NDC80: variants seen among roughly 807,000 people sequenced by gnomAD.
The protein encoded by NDC80 is NDC80 kinetochore complex component.
In NDC80, 69 loss-of-function variants were observed where a neutral mutation model predicts 89.3. The ratio of observed to expected loss-of-function variants is 0.77; its 90% CI spans 0.64 to 0.94. The LOEUF (loss-of-function observed/expected upper bound fraction) is 0.94. NDC80 is among the 40% of genes least tolerant of loss of function. NDC80 has a pLI of 0.00. For missense variants in NDC80, 593 were observed against 739.6 expected (o/e 0.80, Z 2.30); for synonymous variants, 243 against 255.6 (o/e 0.95, Z 0.47).
At chr18:2,582,431 T>C (rs1453803666) in intron 6 of NDC80, 2 of 152,198 alleles carry the variant, frequency 1.3e-5, no homozygotes, top group Admixed American at 6.5e-5. Context: ...ATGTGTTTTG[T>C]TACTATGATG....
At chr18:2,602,661 T>C (rs772523950) in intron 13 of NDC80, among the ~76,000 whole-genome samples, 6 of 152,146 alleles carry the variant, frequency 3.9e-5, no homozygotes, top group Non-Finnish European at 7.4e-5. Flanking sequence ...TTAAAGGCTA[T>C]AGATGGGGGA....
At chr18:2,599,816 T>C (rs141867566) in intron 12 of NDC80, among the ~76,000 whole-genome samples, 292 of 152,340 alleles carry the variant, frequency 1.9e-3, no homozygotes, top group Non-Finnish European at 3.0e-3. Flanking sequence ...CAGTTTTGAA[T>C]AGGAGAATGT....
Position 2,616,471 on chromosome 18 carries a change from G to A in NDC80, c.1826G>A (p.Arg609Lys), listed in dbSNP as rs774867521. ...GAGGAGCAGATTGCTAAAGTTGATA[G>A]AGAATATGAAGAATGCATGTCAGAA... ...HLEEQIAKVDREYEECMSEDL... is the reference protein window; with the variant it reads ...HLEEQIAKVDKEYEECMSEDL... The change falls in exon 17 of 17, where the codon AGA becomes AAA. Residue 609 changes from arginine to lysine, a missense_variant. Transcript: ENST00000261597. The A allele has an allele frequency of 2.6e-6, 4 of 1,534,756 alleles. No homozygotes were observed. The African/African-American group carries it at 4.2e-5, about 16-fold the overall frequency.
intron 6 of NDC80, among the ~76,000 whole-genome samples, chr18:2,583,460 G>A (rs1024046879): frequency 6.6e-6 from 1 of 152,146 alleles, no homozygotes; most frequent in Non-Finnish European, 1.5e-5. Flanking sequence ...CAACACTTTG[G>A]GAGGCCAAGG....
chr18:2,585,947 T>C (rs1466737533), intron 7 of NDC80, among the ~76,000 whole-genome samples: 1 of 151,732 alleles, frequency 6.6e-6, no homozygotes, highest in Non-Finnish European at 1.5e-5. Context: ...GGATAGGTTG[T>C]TTATTTTGTT....
intron 5 of NDC80, 39 bp from the exon 6 acceptor site, chr18:2,578,888 T>C: frequency 8.3e-7 from 1 of 1,207,256 alleles, no homozygotes. Context: ...TAAATTATAA[T>C]AACATTAAAT....
rs1218831029 is a variant in NDC80 at position 2,590,124 on chromosome 18, A to G, written c.977A>G (p.Gln326Arg). Residue 326 changes from glutamine to arginine, a missense_variant, in exon 10 of 17, where the codon CAG becomes CGG. Physicochemically the swap from Gln to Arg is conservative, Grantham distance 43. Transcript: ENST00000261597. ...GAGTCTCATTCAGCCATTCTTGACC[A>G]GAAATTAAATGGTCTCAATGAGGAA... Reference protein sequence around the residue: ...NLESHSAILDQKLNGLNEEIA... With the variant: ...NLESHSAILDRKLNGLNEEIA... 1 of 1,611,790 alleles carries G rather than the reference A, an allele frequency of 6.2e-7. No homozygotes were observed. The highest frequency in any genetic ancestry group is 1.7e-5 in the Admixed American group (1 of 59,592).
rs1176101667 is a variant in NDC80 at position 2,578,839 on chromosome 18, T to C, written c.477-88T>C. ...GTCAAGACTGAGTGTGTATGTGGAA[T>C]TTTTTAAATGTAACTTCTTGATTAA... On this transcript the variant is annotated intron_variant, in intron 5 of 16. Transcript: ENST00000261597. 6 of 760,508 alleles carry C rather than the reference T, an allele frequency of 7.9e-6. No individual in the cohort carries two copies. In the South Asian group the frequency reaches 2.0e-4, roughly 25 times the overall value. The allele number at this position is 760,508 out of a possible 1,614,324, so 47.1% of individuals were successfully genotyped here. A position where few individuals can be genotyped will look rare whatever the true frequency, so the allele number is the denominator to read the frequency against.
chr18:2,593,057 T>TGTG (rs1491312738), intron 10 of NDC80, among the ~76,000 whole-genome samples: 1 of 69,324 alleles, frequency 1.4e-5, no homozygotes, highest in Admixed American at 1.3e-4. Flanking sequence ...TGTGTGTGTC[T>TGTG]TTTTTTTTTT....
chr18:2,585,351 CTT>C (rs1471591148), intron 7 of NDC80, 149 bp downstream of exon 7: 4 of 612,846 alleles, frequency 6.5e-6, no homozygotes, highest in African/African-American at 5.5e-5. Flanking sequence ...ATTTAATACA[CTT>C]AACCTGCCAA....
chr18:2,605,300 GT>G (rs2072705478), intron 13 of NDC80, among the ~76,000 whole-genome samples: 3 of 149,806 alleles, frequency 2.0e-5, no homozygotes, highest in African/African-American at 4.9e-5. Flanking sequence ...GTGTGTGTGT[GT>G]GTGTGTGTGT....
At chr18:2,576,710 G>A (rs1199771489) in intron 3 of NDC80, among the ~76,000 whole-genome samples, 1 of 152,048 alleles carries the variant, frequency 6.6e-6, no homozygotes. Context: ...TATTTTGATT[G>A]GCATAAGTGA....
At chr18:2,610,925 C>T in intron 16 of NDC80, 64 bp downstream of exon 16, 3 of 980,418 alleles carry the variant, frequency 3.1e-6, no homozygotes, top group Non-Finnish European at 4.3e-6. Context: ...TACATTTCTG[C>T]TTTCTTCCAT....
intron 16 of NDC80, among the ~76,000 whole-genome samples, chr18:2,614,657 TA>T (rs200737949): frequency 0.81 from 53,878 of 66,488 alleles, 22,502 homozygotes; most frequent in East Asian, 0.95. Context: ...AAGAAAGAAA[TA>T]AATTTGGCAA....
At chr18:2,596,565 G>A (rs371339349) in intron 11 of NDC80, among the ~76,000 whole-genome samples, 1 of 147,160 alleles carries the variant, frequency 6.8e-6, no homozygotes, top group African/African-American at 2.5e-5. Context: ...GGAACACTTT[G>A]ACACTGTTGG....
chr18:2,575,739 A>G (rs2072543231), intron 3 of NDC80, among the ~76,000 whole-genome samples: 1 of 152,188 alleles, frequency 6.6e-6, no homozygotes, highest in Non-Finnish European at 1.5e-5. Context: ...TAGCTGGGCA[A>G]TATGGTGAAA....
intron 16 of NDC80, among the ~76,000 whole-genome samples, chr18:2,614,619 AAG>A (rs1260045050): frequency 5.2e-5 from 1 of 19,312 alleles, no homozygotes; most frequent in East Asian, 6.2e-3. Flanking sequence ...GAAAGAAAGA[AAG>A]AAAGAAAGAA....
At chr18:2,601,232 T>C (rs1180100145) in intron 12 of NDC80, among the ~76,000 whole-genome samples, 164 bp from the exon 13 acceptor site, 5 of 152,198 alleles carry the variant, frequency 3.3e-5, no homozygotes. Flanking sequence ...GAAATTTGAT[T>C]AAAAACTAGT....
chr18:2,593,036 G>GTGTGTA (rs1423856813), intron 10 of NDC80, among the ~76,000 whole-genome samples: 3 of 130,140 alleles, frequency 2.3e-5, no homozygotes, highest in African/African-American at 9.7e-5. Context: ...GTGTGTGTGT[G>GTGTGTA]TGTGTGTGTG....
Sources: gnomAD v4.1 joint callset for allele counts (sites outside exome capture counted in the v4.1 genomes callset) on GRCh38, gnomAD v4.1.1 for gene constraint, MANE v1.5 for transcripts, NCBI Gene and HGNC (gene_info 2026-07-23, HGNC 2026-07-21) for gene names.